The following DNER variants were observed in gnomAD, a reference collection of about 807,000 sequenced individuals.
DNER encodes delta and Notch-like epidermal growth factor-related receptor.
In DNER, 33 loss-of-function variants were observed where a neutral mutation model predicts 78.2. That is an observed-to-expected ratio of 0.42 (90% CI 0.32 to 0.56). DNER has a LOEUF of 0.56. DNER is among the 20% of genes least tolerant of loss of function. The pLI, the probability that DNER is intolerant of heterozygous loss-of-function variation, is 0.11. For synonymous variants in DNER, 417 were observed against 384.8 expected, an observed-to-expected ratio of 1.08 and a Z score of -0.98; for missense variants, 918 against 975.3, an observed-to-expected ratio of 0.94 and a Z score of 0.78.
chr2:229,612,947 G>T (rs1698076363), intron 1 of DNER, among the ~76,000 whole-genome samples: 3 of 152,196 alleles, frequency 2.0e-5, no homozygotes, highest in Admixed American at 6.5e-5. Flanking sequence ...ATATGTATTT[G>T]CATATTTCAG....
At chr2:229,381,424 C>T (rs1315694635) in intron 11 of DNER, among the ~76,000 whole-genome samples, 1 of 152,062 alleles carries the variant, frequency 6.6e-6, no homozygotes, top group East Asian at 1.9e-4. Flanking sequence ...ACCAGTGAGA[C>T]AAAACCGTTC....
intron 11 of DNER, among the ~76,000 whole-genome samples, chr2:229,383,626 C>G (rs1643981475): frequency 6.6e-6 from 1 of 152,198 alleles, no homozygotes; most frequent in African/African-American, 2.4e-5. Flanking sequence ...TCTAATAAAA[C>G]AGACTTTAAA....
intron 8 of DNER, among the ~76,000 whole-genome samples, chr2:229,430,913 T>A (rs917654146): frequency 6.6e-6 from 1 of 152,034 alleles, no homozygotes; most frequent in African/African-American, 2.4e-5. Flanking sequence ...AGTGGAGAGA[T>A]AAGAACATTT....
At chr2:229,406,230 A>G (rs973322) in intron 10 of DNER, among the ~76,000 whole-genome samples, 103,728 of 152,006 alleles carry the variant, frequency 0.68, 36,901 homozygotes, top group Admixed American at 0.8. Flanking sequence ...ACACAGCAAG[A>G]TGCTCTCCAG....
chr2:229,664,233 A>C (rs1344107638), intron 1 of DNER, among the ~76,000 whole-genome samples: 1 of 152,226 alleles, frequency 6.6e-6, no homozygotes, highest in Non-Finnish European at 1.5e-5. Flanking sequence ...ACTGTAAGTA[A>C]GCAATTTGCC....
chr2:229,501,157 A>G (rs1026656267), intron 6 of DNER, among the ~76,000 whole-genome samples: 1 of 151,982 alleles, frequency 6.6e-6, no homozygotes, highest in Non-Finnish European at 1.5e-5. Context: ...GATTGGAGAG[A>G]TTTAAAAGAG....
At chr2:229,607,725 A>G (rs73107326) in intron 1 of DNER, among the ~76,000 whole-genome samples, 2,375 of 152,210 alleles carry the variant, frequency 0.016, 46 homozygotes, top group African/African-American at 0.053. Flanking sequence ...GAAGGCATTA[A>G]CAATTAGTGT....
At chr2:229,503,136 AC>A (rs1319936538) in intron 6 of DNER, among the ~76,000 whole-genome samples, 7 of 152,214 alleles carry the variant, frequency 4.6e-5, no homozygotes, top group Admixed American at 2.0e-4. Context: ...GAAAACTGTA[AC>A]TGTGTTTTTC....
At chr2:229,589,909 C>CA (rs34805706) in intron 2 of DNER, among the ~76,000 whole-genome samples, 114,512 of 137,398 alleles carry the variant, frequency 0.83, 46,801 homozygotes, top group Non-Finnish European at 0.87. Context: ...TGTGGTAATA[C>CA]AAAAAAAAAA....
chr2:229,419,390 G>T (rs1657676703), intron 8 of DNER, among the ~76,000 whole-genome samples: 1 of 152,158 alleles, frequency 6.6e-6, no homozygotes, highest in Admixed American at 6.5e-5. Context: ...AAGTCACACT[G>T]ACTGTGTTCG....
intron 4 of DNER, among the ~76,000 whole-genome samples, chr2:229,579,120 C>T (rs1697350570): frequency 6.6e-6 from 1 of 152,204 alleles, no homozygotes; most frequent in Non-Finnish European, 1.5e-5. Flanking sequence ...GCACAGACTA[C>T]TGTGCCATCA....
At chr2:229,435,942 T>C (rs1694113092) in intron 8 of DNER, among the ~76,000 whole-genome samples, 2 of 152,174 alleles carry the variant, frequency 1.3e-5, no homozygotes, top group South Asian at 4.1e-4. Flanking sequence ...GTTAACAACA[T>C]TTGATTGTGA....
chr2:229,589,491 G>A (rs1324053876), intron 2 of DNER, among the ~76,000 whole-genome samples: 1 of 152,122 alleles, frequency 6.6e-6, no homozygotes, highest in African/African-American at 2.4e-5. Context: ...TCACAGAAAG[G>A]GGATAATAAT....
At position 229,518,800 on chromosome 2, in the gene DNER, G is replaced by A. The variant is rs146952534; in HGVS notation, c.994-5864C>T. Among the ~76,000 whole-genome samples the A allele has an allele frequency of 2.6e-3, 392 of 152,258 alleles. 2 individuals carry two copies. Among genetic ancestry groups the A allele is most frequent in the African/African-American group, 8.9e-3 (370 of 41,544 alleles). ...AAACCTAATATGACATCCACTATGA[G>A]GATATTGTTGAGAACATTATATACC... is the stretch of plus-strand genomic sequence containing the variant. On this transcript the variant is annotated intron_variant, in intron 5 of 12. Coordinates refer to ENST00000341772, the MANE Select transcript of DNER (RefSeq NM_139072.4).
At chr2:229,714,015 G>C (rs925396501) in intron 1 of DNER, 133 bp downstream of exon 1, 1 of 940,870 alleles carries the variant, frequency 1.1e-6, no homozygotes, top group Non-Finnish European at 1.4e-6. Flanking sequence ...CAAGAGACTG[G>C]ATCCATCTTC....
At chr2:229,558,825 T>C (rs1386926883) in intron 4 of DNER, among the ~76,000 whole-genome samples, 1 of 152,078 alleles carries the variant, frequency 6.6e-6, no homozygotes, top group Non-Finnish European at 1.5e-5. Context: ...GGGAGGTCAG[T>C]GTGTCAGACA....
intron 8 of DNER, among the ~76,000 whole-genome samples, chr2:229,436,383 C>T (rs1046873642): frequency 2.6e-5 from 4 of 152,276 alleles, no homozygotes; most frequent in African/African-American, 4.8e-5. Context: ...CGTGTCTTTG[C>T]TATTGTGAAT....
intron 10 of DNER, 78 bp from the exon 11 acceptor site, chr2:229,388,474 T>A: frequency 6.6e-7 from 1 of 1,503,840 alleles, no homozygotes; most frequent in Non-Finnish European, 8.9e-7. Flanking sequence ...AAAATAAAGA[T>A]CCAAGGCTAG....
At chr2:229,645,278 A>G (rs375525164) in intron 1 of DNER, among the ~76,000 whole-genome samples, 3 of 152,200 alleles carry the variant, frequency 2.0e-5, no homozygotes, top group Non-Finnish European at 2.9e-5. Flanking sequence ...AAGTGCTGGG[A>G]TTGTAGACAT....
Sources: allele counts gnomAD v4.1 joint callset (sites outside exome capture counted in the v4.1 genomes callset), GRCh38; gene constraint gnomAD v4.1.1; transcripts MANE v1.5; gene names NCBI Gene and HGNC (gene_info 2026-07-23, HGNC 2026-07-21).